Variants in POF1B observed in about 807,000 individuals in gnomAD.
POF1B encodes POF1B actin binding protein, also known as protein POF1B.
Under a neutral mutation model 55.3 loss-of-function variants are expected in POF1B, and 53 were observed. The ratio of observed to expected loss-of-function variants is 0.96; its 90% CI spans 0.77 to 1.20. The LOEUF (loss-of-function observed/expected upper bound fraction) is 1.20, where lower values mean the gene tolerates loss of function less well. Among genes scored for constraint, POF1B ranks in the 50% most tolerant of loss-of-function variants. The pLI is 0.00. For synonymous variants in POF1B, 188 were observed against 148.3 expected (o/e 1.27, Z -1.95); for missense variants, 478 against 420.5 (o/e 1.14, Z -1.20).
intron 7 of POF1B, among the ~76,000 whole-genome samples, 170 bp downstream of exon 7, chrX:85,330,779 G>T (rs1168017681): frequency 2.7e-5 from 3 of 111,090 alleles, no homozygotes. Context: ...TAACAAACCT[G>T]CACGTTGTGC....
At chrX:85,344,042 T>C (rs1049762790) in intron 6 of POF1B, among the ~76,000 whole-genome samples, 7 of 111,279 alleles carry the variant, frequency 6.3e-5, no homozygotes, top group Admixed American at 1.9e-4. Flanking sequence ...TTAATCAATA[T>C]GCTAGCCATA....
intron 4 of POF1B, among the ~76,000 whole-genome samples, chrX:85,357,210 C>T (rs1933519728): frequency 9.0e-6 from 1 of 111,179 alleles, no homozygotes; most frequent in Admixed American, 9.6e-5. Context: ...AAGATACATT[C>T]TCTCTCTTTG....
At chrX:85,377,201 C>T (rs968278630) in intron 2 of POF1B, among the ~76,000 whole-genome samples, 7 of 111,797 alleles carry the variant, frequency 6.3e-5, no homozygotes, top group African/African-American at 2.3e-4. Flanking sequence ...TCACATTATA[C>T]TCATTTCGTT....
intron 9 of POF1B, among the ~76,000 whole-genome samples, chrX:85,313,589 G>A (rs1365728030): frequency 9.0e-6 from 1 of 111,610 alleles, no homozygotes; most frequent in African/African-American, 3.3e-5. Context: ...GTATTTTATT[G>A]AGGATTTTTG....
chrX:85,374,107 T>C (rs1933881914), intron 2 of POF1B, among the ~76,000 whole-genome samples: 1 of 111,347 alleles, frequency 9.0e-6, no homozygotes, highest in African/African-American at 3.3e-5. Flanking sequence ...AAGCAACTTT[T>C]CTAGAGAACA....
intron 3 of POF1B, among the ~76,000 whole-genome samples, chrX:85,364,375 T>A (rs889206377): frequency 8.9e-6 from 1 of 112,078 alleles, no homozygotes; most frequent in African/African-American, 3.2e-5. Context: ...TGTTTTTCTA[T>A]TGACTGGTAA....
intron 2 of POF1B, 47 bp downstream of exon 2, chrX:85,379,125 TG>T (rs774810899): frequency 5.2e-6 from 6 of 1,157,643 alleles, no homozygotes; most frequent in Middle Eastern, 2.4e-4. Flanking sequence ...GAAATCAGGT[TG>T]AAGATTGCCT....
At chrX:85,372,115 T>C (rs1332224884) in intron 2 of POF1B, among the ~76,000 whole-genome samples, 4 of 110,413 alleles carry the variant, frequency 3.6e-5, no homozygotes, top group African/African-American at 1.3e-4. Flanking sequence ...GAGGCTGAGG[T>C]GGGCGGATCA....
At chrX:85,347,324 A>G (rs1933293035) in intron 5 of POF1B, among the ~76,000 whole-genome samples, 1 of 111,318 alleles carries the variant, frequency 9.0e-6, no homozygotes, top group African/African-American at 3.2e-5. Context: ...ACAGTAAAAC[A>G]CTTCATATTT....
At chrX:85,320,891 G>C (rs1376858169) in intron 7 of POF1B, among the ~76,000 whole-genome samples, 3 of 110,235 alleles carry the variant, frequency 2.7e-5, no homozygotes, top group African/African-American at 9.9e-5. Context: ...GACTAAACCA[G>C]GAAGAAGTTG....
At chrX:85,304,282 C>T (rs1259086587) in intron 14 of POF1B, 61 bp downstream of exon 14, 4 of 966,852 alleles carry the variant, frequency 4.1e-6, no homozygotes, top group Non-Finnish European at 5.3e-6. Context: ...AGTATTTATC[C>T]TACAGTACTA....
intron 16 of POF1B, among the ~76,000 whole-genome samples, chrX:85,280,754 G>T (rs1056742383): frequency 2.7e-5 from 3 of 111,089 alleles, no homozygotes; most frequent in Non-Finnish European, 5.7e-5. Flanking sequence ...TTCACCAGAA[G>T]GATATCACAC....
At chrX:85,296,113 T>C (rs1326907350) in intron 15 of POF1B, among the ~76,000 whole-genome samples, 2 of 112,302 alleles carry the variant, frequency 1.8e-5, no homozygotes, top group African/African-American at 6.5e-5. Context: ...CCCTTTACTT[T>C]GAGTCTGTGG....
chrX:85,331,392 TG>T (rs745560573), intron 6 of POF1B, among the ~76,000 whole-genome samples: 63 of 111,549 alleles, frequency 5.6e-4, no homozygotes, highest in African/African-American at 2.0e-3. Context: ...CTTATTCATA[TG>T]TCTCCTGTGG....
At chrX:85,314,189 G>A (rs1394507756) in intron 9 of POF1B, among the ~76,000 whole-genome samples, 1 of 110,803 alleles carries the variant, frequency 9.0e-6, no homozygotes, top group Non-Finnish European at 1.9e-5. Flanking sequence ...GCGCTGAGGA[G>A]TGAATAAGGG....
At chrX:85,298,374 A>C (rs1490559749) in intron 15 of POF1B, among the ~76,000 whole-genome samples, 1 of 111,611 alleles carries the variant, frequency 9.0e-6, no homozygotes, top group East Asian at 2.8e-4. Context: ...TGACTGCAAG[A>C]GTCGTGAGAT....
At chrX:85,322,162 C>T (rs187542237) in intron 7 of POF1B, among the ~76,000 whole-genome samples, 1 of 111,448 alleles carries the variant, frequency 9.0e-6, no homozygotes, top group African/African-American at 3.3e-5. Flanking sequence ...AAGAACAAGG[C>T]TGGAGGTATC....
chrX:85,313,814 T>C (rs1230747753), intron 9 of POF1B, among the ~76,000 whole-genome samples: 1 of 110,792 alleles, frequency 9.0e-6, no homozygotes, highest in Non-Finnish European at 1.9e-5. Context: ...CTGGGCTTTT[T>C]CTTTTCTTTT....
chrX:85,319,929 G>C (rs1429561426), intron 7 of POF1B, among the ~76,000 whole-genome samples: 1 of 111,231 alleles, frequency 9.0e-6, no homozygotes, highest in Non-Finnish European at 1.9e-5. Context: ...TTTCAGAAGA[G>C]TTTCAGCAGA....
Sources: allele counts gnomAD v4.1 joint callset (sites outside exome capture counted in the v4.1 genomes callset), GRCh38; gene constraint gnomAD v4.1.1; transcripts MANE v1.5; gene names NCBI Gene and HGNC (gene_info 2026-07-23, HGNC 2026-07-21).